Variants in PHLDB2 observed in about 807,000 individuals in gnomAD.
PHLDB2 encodes pleckstrin homology-like domain family B member 2.
Under a neutral mutation model 123.6 loss-of-function variants are expected in PHLDB2, and 71 were observed. That is an observed-to-expected ratio of 0.57 (90% CI 0.47 to 0.70). The LOEUF is 0.70. PHLDB2 is among the 30% of genes least tolerant of loss of function. PHLDB2 has a pLI of 0.00. For missense variants in PHLDB2, 1,446 were observed against 1,519.5 expected, an observed-to-expected ratio of 0.95 and a Z score of 0.80; for synonymous variants, 547 against 541.6, an observed-to-expected ratio of 1.01 and a Z score of -0.14.
intron 5 of PHLDB2, among the ~76,000 whole-genome samples, chr3:111,928,143 C>A (rs1403205207): frequency 1.3e-5 from 2 of 152,162 alleles, no homozygotes; most frequent in Admixed American, 6.5e-5. Flanking sequence ...ATATTGCATA[C>A]TGCAATCTGT....
intron 2 of PHLDB2, among the ~76,000 whole-genome samples, chr3:111,891,915 A>G (rs1354726784): frequency 6.6e-6 from 1 of 152,192 alleles, no homozygotes; most frequent in Non-Finnish European, 1.5e-5. Context: ...AAGAGTATTC[A>G]TTTGGTTACG....
At position 111,920,416 on chromosome 3, in the gene PHLDB2, C is replaced by G; in HGVS notation, c.1998C>G (p.Thr666=). The change falls in exon 5 of 18, where the codon ACC becomes ACG. Residue 666 remains threonine, a synonymous_variant. Transcript: ENST00000431670. Reference sequence around the variant, plus strand: ...AAAAGAACATTGTTGGTGAAAAGACCAAGGTAAAAGAAAATTATATTTCAA... The same window carrying G: ...AAAAGAACATTGTTGGTGAAAAGACGAAGGTAAAAGAAAATTATATTTCAA... ...ELEKNIVGEK[T]KEKVKLDAER... is the part of the protein sequence containing the mutation. 1.2e-6 allele frequency: 2 copies of G among 1,611,636 alleles called. No individual in the cohort carries two copies. Among genetic ancestry groups the G allele is most frequent in the South Asian group, 1.1e-5 (1 of 90,426 alleles).
At chr3:111,859,738 A>G in intron 1 of PHLDB2, 162 bp downstream of exon 1, 7 of 982,792 alleles carry the variant, frequency 7.1e-6, no homozygotes, top group Non-Finnish European at 8.4e-6. Context: ...GCCCGGGCCG[A>G]GGAGGGGCGC....
chr3:111,966,300 A>T (rs1334417025), intron 13 of PHLDB2, among the ~76,000 whole-genome samples: 1 of 152,040 alleles, frequency 6.6e-6, no homozygotes, highest in African/African-American at 2.4e-5. Context: ...ACTTTGTAAG[A>T]TTTGGTTTTG....
intron 13 of PHLDB2, 88 bp from the exon 14 acceptor site, chr3:111,966,525 G>C (rs1480702300): frequency 1.7e-6 from 1 of 600,242 alleles, no homozygotes; most frequent in Non-Finnish European, 2.7e-6. Context: ...GTGTGTGTCT[G>C]GGGTGTGTGT....
At chr3:111,924,087 AC>A (rs951721480) in intron 5 of PHLDB2, among the ~76,000 whole-genome samples, 1 of 151,514 alleles carries the variant, frequency 6.6e-6, no homozygotes, top group Non-Finnish European at 1.5e-5. Flanking sequence ...TCCTCCCCCA[AC>A]CCCAGTCCTT....
At chr3:111,836,687 G>A (rs1486345346) in intron 1 of PHLDB2, among the ~76,000 whole-genome samples, 1 of 152,148 alleles carries the variant, frequency 6.6e-6, no homozygotes, top group African/African-American at 2.4e-5. Context: ...TGGCTGAGGA[G>A]GCCTCAGGGA....
chr3:111,746,423 A>C (rs1396081753), intron 1 of PHLDB2, among the ~76,000 whole-genome samples: 1 of 152,218 alleles, frequency 6.6e-6, no homozygotes, highest in Non-Finnish European at 1.5e-5. Flanking sequence ...CAAAAGATAC[A>C]AATCTTACAT....
intron 2 of PHLDB2, among the ~76,000 whole-genome samples, chr3:111,854,128 G>T (rs1406435871): frequency 1.3e-5 from 2 of 152,298 alleles, no homozygotes; most frequent in East Asian, 1.9e-4. Context: ...CAGGGCAGCA[G>T]GACAGAATGA....
intron 1 of PHLDB2, among the ~76,000 whole-genome samples, chr3:111,768,383 A>T (rs1226851702): frequency 3.3e-5 from 5 of 152,218 alleles, no homozygotes; most frequent in Non-Finnish European, 5.9e-5. Flanking sequence ...TGAGAATATT[A>T]TTCTCTGTAA....
chr3:111,967,226 C>T (rs774855), intron 14 of PHLDB2, among the ~76,000 whole-genome samples: 118,003 of 152,170 alleles, frequency 0.78, 46,092 homozygotes, highest in East Asian at 1. Context: ...AACTTCCCCA[C>T]GTGCTTCCTC....
chr3:111,971,712 TA>T (rs907156324), intron 16 of PHLDB2, among the ~76,000 whole-genome samples: 1 of 152,126 alleles, frequency 6.6e-6, no homozygotes, highest in African/African-American at 2.4e-5. Flanking sequence ...GATCGCAATT[TA>T]CGCTGTACTT....
intron 2 of PHLDB2, among the ~76,000 whole-genome samples, chr3:111,852,402 ATATAT>A (rs562358566): frequency 5.4e-5 from 8 of 148,544 alleles, no homozygotes; most frequent in East Asian, 1.9e-4. Flanking sequence ...ACATAGGATT[ATATAT>A]TATAATAATC....
chr3:111,748,537 C>CT (rs1026112270), intron 1 of PHLDB2, among the ~76,000 whole-genome samples: 5 of 151,778 alleles, frequency 3.3e-5, no homozygotes, highest in African/African-American at 9.7e-5. Context: ...TTTTCTTTTT[C>CT]TTTTTTTTCT....
intron 9 of PHLDB2, 91 bp downstream of exon 9, chr3:111,945,448 T>C (rs2070233975): frequency 9.8e-7 from 1 of 1,016,078 alleles, no homozygotes; most frequent in Non-Finnish European, 1.5e-6. Flanking sequence ...AATAAAAATA[T>C]TAACTCAAAG....
chr3:111,736,420 C>T (rs565279154), intron 1 of PHLDB2, among the ~76,000 whole-genome samples: 1 of 152,298 alleles, frequency 6.6e-6, no homozygotes, highest in East Asian at 1.9e-4. Flanking sequence ...CACCACAGCC[C>T]TGTAAGATGA....
chr3:111,872,265 A>G (rs987767552), intron 1 of PHLDB2, among the ~76,000 whole-genome samples: 3 of 152,214 alleles, frequency 2.0e-5, no homozygotes, highest in Admixed American at 6.5e-5. Context: ...CAGGGATCAT[A>G]TAGTTTCACT....
chr3:111,945,569 G>A (rs1271168930), intron 9 of PHLDB2: 19 of 548,536 alleles, frequency 3.5e-5, no homozygotes, highest in Non-Finnish European at 4.2e-5. Flanking sequence ...TTGTGTGTGT[G>A]TATGTGTATG....
chr3:111,767,864 G>C (rs993545374), intron 1 of PHLDB2, among the ~76,000 whole-genome samples: 1 of 152,146 alleles, frequency 6.6e-6, no homozygotes. Context: ...TGTCTATAGA[G>C]ATGTTAATTT....
Sources: allele counts gnomAD v4.1 joint callset (sites outside exome capture counted in the v4.1 genomes callset), GRCh38; gene constraint gnomAD v4.1.1; transcripts MANE v1.5; gene names NCBI Gene and HGNC (gene_info 2026-07-23, HGNC 2026-07-21).